Variants in C2orf69 observed in about 807,000 individuals in gnomAD.
C2orf69 encodes the protein mitochondrial protein C2orf69.
A neutral mutation model predicts 29.5 loss-of-function variants in C2orf69; 19 were observed. That is an observed-to-expected ratio of 0.65 (90% CI 0.45 to 0.95). C2orf69 has a LOEUF of 0.95. Ranked by LOEUF, C2orf69 falls within the 40% of genes least tolerant of loss-of-function variation. The pLI, the probability that C2orf69 is intolerant of heterozygous loss-of-function variation, is 0.00. For missense variants in C2orf69, 416 were observed against 482.1 expected (o/e 0.86, Z 1.28); for synonymous variants, 194 against 180.0 (o/e 1.08, Z -0.62).
rs751776602 is a variant in C2orf69 at position 199,911,688 on chromosome 2, C to G, written c.250C>G (p.Gln84Glu). 1.9e-5 allele frequency: 30 copies of G among 1,546,800 alleles called. No homozygotes were observed. Among genetic ancestry groups the G allele is most frequent in the Non-Finnish European group, 2.4e-5 (27 of 1,146,876 alleles). ...GGCGGCCGGGGAGGGACTGGAGCGGCAGGACCTCCCCGGGGACCCAGCGAA... is the reference window on the plus strand; with the variant it reads ...GGCGGCCGGGGAGGGACTGGAGCGGGAGGACCTCCCCGGGGACCCAGCGAA... ...LAAAGEGLER[Q>E]DLPGDPAKEE... is the part of the protein sequence containing the mutation. Residue 84 changes from glutamine (Q) to glutamate (E), a missense_variant, in exon 1 of 2, where the codon CAG (glutamine) becomes GAG (glutamate). This residue lies in a region of C2orf69 where 175 missense variants were observed against 139.9 expected (regional missense o/e 1.25). Coordinates refer to ENST00000319974, the MANE Select transcript of C2orf69 (RefSeq NM_153689.6).
In C2orf69 at chr2:199,925,880, A is replaced by T; in HGVS notation, c.1152A>T (p.Val384=). The part of the protein sequence containing the change: ...SIENHFRVHE[V]F ...AGAATCACTTCAGGGTTCATGAAGT[A>T]TTTTGAGATTACAGGTATATTAATG... The change falls in exon 2 of 2, where the codon GTA becomes GTT. Residue 384 remains valine (V), a synonymous_variant. Coordinates refer to ENST00000319974, the MANE Select transcript of C2orf69 (RefSeq NM_153689.6). The surrounding 1 kb of genome is among the most constrained non-coding windows in gnomAD (Gnocchi z 4.9). The T allele has an allele frequency of 6.3e-7, 1 of 1,599,832 alleles. No homozygotes were observed.
At chr2:199,924,593 AC>A (rs554993387) in intron 1 of C2orf69, among the ~76,000 whole-genome samples, 8 of 152,314 alleles carry the variant, frequency 5.3e-5, no homozygotes, top group African/African-American at 1.7e-4. Context: ...CTGAAATTGA[AC>A]ATAGTGTTCA....
In C2orf69 at chr2:199,925,261, A is replaced by G. The variant is rs141729817; in HGVS notation, c.533A>G (p.Asn178Ser). The G allele has an allele frequency of 3.8e-4, 619 of 1,612,408 alleles. 1 individual carries two copies. The East Asian group carries it at 6.2e-3, about 16-fold the overall frequency. The change falls in exon 2 of 2, where the codon AAT becomes AGT. Residue 178 changes from asparagine to serine, a missense_variant. Physicochemically the swap from Asn to Ser is conservative, Grantham distance 46 (BLOSUM62 1). This residue lies in a region of C2orf69 where 225 missense variants were observed against 307.3 expected (regional missense o/e 0.73). Coordinates refer to ENST00000319974, the MANE Select transcript of C2orf69 (RefSeq NM_153689.6). The surrounding 1 kb of genome is among the most constrained non-coding windows in gnomAD (Gnocchi z 4.9). ...KSNMFGAPEH[N>S]TDFGAFKHLY... Reference sequence around the variant, plus strand: ...AACATGTTTGGTGCCCCAGAACACAATACTGACTTTGGAGCTTTTAAGCAC... The same window carrying G: ...AACATGTTTGGTGCCCCAGAACACAGTACTGACTTTGGAGCTTTTAAGCAC...
chr2:199,924,810 T>C (rs2077329573), intron 1 of C2orf69, among the ~76,000 whole-genome samples: 1 of 152,184 alleles, frequency 6.6e-6, no homozygotes, highest in South Asian at 2.1e-4. Context: ...TTAAAAACTT[T>C]TTACTGTTTC....
chr2:199,926,631 G>A lies in C2orf69; in HGVS notation c.*745G>A, dbSNP rs1431541258. 1 of 152,342 alleles carries A rather than the reference G, an allele frequency of 6.6e-6. No homozygotes were observed. Among genetic ancestry groups the A allele is most frequent in the East Asian group, 1.9e-4 (1 of 5,188 alleles). The allele number at this position is 152,342 out of a possible 1,614,324, so 9.4% of individuals were successfully genotyped here. A position where few individuals can be genotyped will look rare whatever the true frequency, so the allele number is the denominator to read the frequency against. On this transcript the variant is annotated 3_prime_UTR_variant, in exon 2 of 2. Coordinates refer to ENST00000319974, the MANE Select transcript of C2orf69 (RefSeq NM_153689.6). The stretch of plus-strand genomic sequence containing the variant: ...ACTGCACTCCAACCTGGGCAACATA[G>A]TGGGACTTCATCTCTAAAACAAAAC...
At chr2:199,912,378 T>C (rs913743322) in intron 1 of C2orf69, among the ~76,000 whole-genome samples, 1 of 152,226 alleles carries the variant, frequency 6.6e-6, no homozygotes, top group African/African-American at 2.4e-5. Context: ...CGTGGTTATG[T>C]TGCCCTGAAA....
rs1308734408 is a variant in C2orf69, at chr2:199,911,532, A to G, written c.94A>G (p.Thr32Ala). ...CGCCTCGTCCTGCTCTCAGGCCAGA[A>G]CCATGAACCCGGGCGGCAGCGGCGG... ...GNASSCSQAR[T>A]MNPGGSGGAR... Residue 32 changes from threonine to alanine, a missense_variant, in exon 1 of 2, where the codon ACC (threonine) becomes GCC (alanine). Around this residue, in one of 4 missense-constraint regions of C2orf69, gnomAD observed 175 missense variants for 139.9 expected, o/e 1.25. Transcript: ENST00000319974. 6 of 1,549,714 alleles carry G rather than the reference A, an allele frequency of 3.9e-6. No individual in the cohort carries two copies. Among genetic ancestry groups the G allele is most frequent in the Admixed American group, 2.0e-5 (1 of 50,996 alleles).
At chr2:199,921,885 T>C (rs1365514533) in intron 1 of C2orf69, among the ~76,000 whole-genome samples, 1 of 151,640 alleles carries the variant, frequency 6.6e-6, no homozygotes, top group Non-Finnish European at 1.5e-5. Context: ...ATTTTTGTAG[T>C]ATTTACTAGT....
intron 1 of C2orf69, among the ~76,000 whole-genome samples, chr2:199,924,780 A>G (rs1301777144): frequency 6.6e-6 from 1 of 152,168 alleles, no homozygotes; most frequent in Non-Finnish European, 1.5e-5. Flanking sequence ...ACATACCTAT[A>G]ACCCTTCAAA....
At chr2:199,917,891 A>G (rs2077299395) in intron 1 of C2orf69, among the ~76,000 whole-genome samples, 1 of 152,250 alleles carries the variant, frequency 6.6e-6, no homozygotes, top group Non-Finnish European at 1.5e-5. Context: ...TTTATAAAGC[A>G]AAGAGGTTTA....
At chr2:199,913,074 T>C (rs921446799) in intron 1 of C2orf69, among the ~76,000 whole-genome samples, 9 of 145,960 alleles carry the variant, frequency 6.2e-5, no homozygotes, top group South Asian at 4.2e-4. Flanking sequence ...GATATAGATA[T>C]AGATATTCTC....
chr2:199,913,842 C>T (rs2077283731), intron 1 of C2orf69, among the ~76,000 whole-genome samples: 1 of 151,900 alleles, frequency 6.6e-6, no homozygotes, highest in South Asian at 2.1e-4. Flanking sequence ...TATTGAGCAC[C>T]TCCTAAGTGT....
intron 1 of C2orf69, among the ~76,000 whole-genome samples, chr2:199,912,065 A>G (rs1399795248): frequency 6.6e-6 from 1 of 152,176 alleles, no homozygotes; most frequent in Non-Finnish European, 1.5e-5. Context: ...AGGGAGTGAC[A>G]CGCATCTTGT....
intron 1 of C2orf69, among the ~76,000 whole-genome samples, chr2:199,913,974 A>G (rs2077284194): frequency 6.6e-6 from 1 of 152,232 alleles, no homozygotes; most frequent in African/African-American, 2.4e-5. Context: ...TTTTAGGTAT[A>G]AAGTCCCTGG....
chr2:199,925,524 G>A lies in C2orf69; in HGVS notation c.796G>A (p.Gly266Ser). Reference protein sequence around the residue: ...ASFTLIGFSKGCVVLNQLLFE... With the variant: ...ASFTLIGFSKSCVVLNQLLFE... ...TTTTACTTTGATTGGATTCAGTAAA[G>A]GTTGTGTTGTTTTGAATCAGTTGCT... The change falls in exon 2 of 2, where the codon GGT (glycine) becomes AGT (serine). Residue 266 changes from glycine to serine, a missense_variant. Around this residue, in one of 4 missense-constraint regions of C2orf69, gnomAD observed 225 missense variants for 307.3 expected, o/e 0.73. Transcript: ENST00000319974. The surrounding 1 kb of genome is among the most constrained non-coding windows in gnomAD (Gnocchi z 4.9). The A allele has an allele frequency of 6.2e-7, 1 of 1,613,826 alleles. No homozygotes were observed. The highest frequency in any genetic ancestry group is 8.5e-7 in the Non-Finnish European group (1 of 1,179,812).
chr2:199,916,841 C>A (rs1288966308), intron 1 of C2orf69, among the ~76,000 whole-genome samples: 1 of 152,190 alleles, frequency 6.6e-6, no homozygotes, highest in East Asian at 1.9e-4. Flanking sequence ...CTTTTCCAGG[C>A]ACACGGTGCA....
At chr2:199,917,807 ACT>A (rs2077299094) in intron 1 of C2orf69, among the ~76,000 whole-genome samples, 1 of 151,940 alleles carries the variant, frequency 6.6e-6, no homozygotes, top group Non-Finnish European at 1.5e-5. Flanking sequence ...GCAGCACCCC[ACT>A]CTCTGCAGTA....
At chr2:199,924,143 C>T (rs1156448716) in intron 1 of C2orf69, among the ~76,000 whole-genome samples, 1 of 152,128 alleles carries the variant, frequency 6.6e-6, no homozygotes, top group Non-Finnish European at 1.5e-5. Flanking sequence ...TATGGTGACT[C>T]ATGCCTATAA....
chr2:199,914,931 TTACTA>T (rs1559292822), intron 1 of C2orf69, among the ~76,000 whole-genome samples: 1 of 152,244 alleles, frequency 6.6e-6, no homozygotes. Context: ...CCCATTGCAT[TTACTA>T]TACTAGTTTT....
Sources: gnomAD v4.1 joint callset for allele counts (sites outside exome capture counted in the v4.1 genomes callset) on GRCh38, gnomAD v4.1.1 for gene constraint, gnomAD v4.1.1 regional missense constraint, Gnocchi (gnomAD v3.1) non-coding constraint, MANE v1.5 for transcripts, NCBI Gene and HGNC (gene_info 2026-07-23, HGNC 2026-07-21) for gene names.